The following THSD4 variants were observed in gnomAD, a reference collection of about 807,000 sequenced individuals.
THSD4 encodes the protein thrombospondin type 1 domain containing 4.
THSD4 carries 69 observed loss-of-function variants against 119.0 expected under a neutral mutation model. The ratio of observed to expected loss-of-function variants is 0.58; its 90% CI spans 0.48 to 0.71. THSD4 has a LOEUF of 0.71. Ranked by LOEUF, THSD4 falls within the 30% of genes least tolerant of loss-of-function variation. THSD4 has a pLI of 0.00. For synonymous variants in THSD4, 524 were observed against 540.4 expected (o/e 0.97, Z 0.42); for missense variants, 1,393 against 1,391.1 (o/e 1.00, Z -0.02).
chr15:71,184,303 A>G (rs1200401244), intron 3 of THSD4: 4 of 151,730 alleles, frequency 2.6e-5, no homozygotes, highest in African/African-American at 9.7e-5. Flanking sequence ...TAGCTTAAGG[A>G]ATTTACTGCT....
At chr15:71,247,093 T>A (rs2044210327) in intron 5 of THSD4, among the ~76,000 whole-genome samples, 1 of 152,074 alleles carries the variant, frequency 6.6e-6, no homozygotes, top group African/African-American at 2.4e-5. Flanking sequence ...AGATGGGGTT[T>A]TACCATGTTG....
intron 6 of THSD4, among the ~76,000 whole-genome samples, chr15:71,408,547 T>C (rs531597623): frequency 6.6e-6 from 1 of 152,220 alleles, no homozygotes; most frequent in South Asian, 2.1e-4. Flanking sequence ...TGCATTCTTA[T>C]GAGGAATTTT....
intron 7 of THSD4, among the ~76,000 whole-genome samples, chr15:71,595,327 G>T (rs572540060): frequency 2.0e-5 from 3 of 152,162 alleles, no homozygotes; most frequent in Non-Finnish European, 1.5e-5. Flanking sequence ...GGAGGGACCC[G>T]GCAGGAGGTA....
chr15:71,415,979 T>G (rs2046755009), intron 7 of THSD4, among the ~76,000 whole-genome samples: 1 of 152,174 alleles, frequency 6.6e-6, no homozygotes, highest in African/African-American at 2.4e-5. Context: ...GTATTTTTAG[T>G]AGAGACAGGG....
At chr15:71,589,578 G>A (rs2049756489) in intron 7 of THSD4, among the ~76,000 whole-genome samples, 1 of 138,576 alleles carries the variant, frequency 7.2e-6, no homozygotes, top group Admixed American at 7.3e-5. Flanking sequence ...GTTGGGTCAT[G>A]ATCTCCTGGC....
At chr15:71,133,223 C>T (rs777362215) in intron 1 of THSD4, among the ~76,000 whole-genome samples, 2 of 152,094 alleles carry the variant, frequency 1.3e-5, no homozygotes, top group Non-Finnish European at 2.9e-5. Context: ...CATCTCATCA[C>T]GGCTGTTTAT....
chr15:71,744,314 A>T (rs562581308), intron 11 of THSD4, among the ~76,000 whole-genome samples: 5 of 152,122 alleles, frequency 3.3e-5, no homozygotes, highest in Non-Finnish European at 4.4e-5. Flanking sequence ...TTCATTCAAC[A>T]CGGTCATTTA....
In THSD4 at chr15:71,242,744, A is replaced by G; in HGVS notation, c.560A>G (p.Gln187Arg). The G allele has an allele frequency of 6.2e-7, 1 of 1,614,204 alleles. No homozygotes were observed. The highest frequency in any genetic ancestry group is 1.1e-5 in the South Asian group (1 of 91,078). ...CAGACAGACACTGCACACACGCCAC[A>G]GAGGCTCCGGAGACAGAAGCTCTCA... ...PLQTDTAHTP[Q>R]RLRRQKLSSR... The change falls in exon 5 of 18, where the codon CAG becomes CGG. Residue 187 changes from glutamine (Q) to arginine (R), a missense_variant. Physicochemically the swap from Gln to Arg is conservative, Grantham distance 43. Coordinates refer to ENST00000261862, the MANE Select transcript of THSD4 (RefSeq NM_024817.3).
At chr15:71,291,937 C>T (rs1182034729) in intron 6 of THSD4, among the ~76,000 whole-genome samples, 1 of 152,158 alleles carries the variant, frequency 6.6e-6, no homozygotes, top group African/African-American at 2.4e-5. Flanking sequence ...GTGGTGGCCC[C>T]TGTCTACCAC....
intron 3 of THSD4, among the ~76,000 whole-genome samples, chr15:71,184,644 T>C (rs1485334747): frequency 6.6e-6 from 1 of 151,846 alleles, no homozygotes; most frequent in Non-Finnish European, 1.5e-5. Flanking sequence ...GGCATCTGGC[T>C]GCAAAGCTGA....
In THSD4 at chr15:71,243,845, C is replaced by T. The variant is rs916668276; in HGVS notation, c.912+749C>T. On this transcript the variant is annotated intron_variant, in intron 5 of 17. Transcript: ENST00000261862. The stretch of plus-strand genomic sequence containing the variant: ...TGTCACCCAGGCTGGAGCACAGTGG[C>T]GCGATCTTGTCTCACTGCAACCTCT... Among the ~76,000 whole-genome samples, 16 of 126,502 alleles carry T rather than the reference C, an allele frequency of 1.3e-4. No individual in the cohort carries two copies. In the East Asian group the frequency reaches 2.5e-3, roughly 20 times the overall value. The allele number at this position is 126,502 out of a possible 152,430, so 83.0% of individuals were successfully genotyped here.
intron 7 of THSD4, among the ~76,000 whole-genome samples, chr15:71,500,660 G>A (rs1036589827): frequency 3.3e-5 from 5 of 152,292 alleles, no homozygotes; most frequent in African/African-American, 9.6e-5. Flanking sequence ...TGTACATAGT[G>A]TAAGGTAAGA....
intron 3 of THSD4, among the ~76,000 whole-genome samples, chr15:71,182,048 A>G (rs2043535107): frequency 6.6e-6 from 1 of 152,238 alleles, no homozygotes; most frequent in Admixed American, 6.5e-5. Flanking sequence ...TGGGGCTACC[A>G]GCCCCATTTT....
intron 7 of THSD4, among the ~76,000 whole-genome samples, chr15:71,655,967 G>A (rs568605161): frequency 2.0e-5 from 3 of 152,266 alleles, no homozygotes; most frequent in African/African-American, 7.2e-5. Context: ...AACAAGCCAG[G>A]GACTGGGCCA....
intron 8 of THSD4, among the ~76,000 whole-genome samples, chr15:71,696,734 GAGAA>G (rs1368039062): frequency 6.6e-6 from 1 of 152,190 alleles, no homozygotes; most frequent in African/African-American, 2.4e-5. Flanking sequence ...TAACTAAAGA[GAGAA>G]AGAATACCAA....
At position 71,779,829 on chromosome 15, in the gene THSD4, G is replaced by C. The variant is rs1246121188; in HGVS notation, c.*2455G>C. On this transcript the variant is annotated 3_prime_UTR_variant, in exon 18 of 18. Coordinates refer to ENST00000261862, the MANE Select transcript of THSD4 (RefSeq NM_024817.3). The stretch of plus-strand genomic sequence containing the variant: ...CCCATGTCTCCCTTGGGGAGAAAGT[G>C]CATAAACCAGGGGTCTCTTTTTTTT... 1 of 126,278 alleles carries C rather than the reference G, an allele frequency of 7.9e-6. No individual in the cohort carries two copies. The highest frequency in any genetic ancestry group is 2.3e-4 in the East Asian group (1 of 4,380). 7.8% of individuals were successfully genotyped at this position (126,278 alleles called of 1,614,324 possible).
chr15:71,557,425 C>T (rs569930084), intron 7 of THSD4, among the ~76,000 whole-genome samples: 1 of 152,102 alleles, frequency 6.6e-6, no homozygotes, highest in African/African-American at 2.4e-5. Flanking sequence ...TTGAGAGTGC[C>T]TGTAAACTTT....
rs570913852 is a variant in THSD4, at chr15:71,341,118, T to C, written c.1016-70569T>C. 50 of 1,322,384 alleles carry C rather than the reference T, an allele frequency of 3.8e-5. 1 individual carries two copies. In the East Asian group the frequency reaches 7.6e-4, roughly 20 times the overall value. 81.9% of individuals were successfully genotyped at this position (1,322,384 alleles called of 1,614,324 possible). A position where few individuals can be genotyped will look rare whatever the true frequency, so the allele number is the denominator to read the frequency against. ...TCTTCTGTCTTCCCTCTCTCTCCCT[T>C]TTTTTTTTCCTTTTAATTACATTTA... is the stretch of plus-strand genomic sequence containing the variant. On this transcript the variant is annotated intron_variant, in intron 6 of 17. Coordinates refer to ENST00000261862, the MANE Select transcript of THSD4 (RefSeq NM_024817.3).
intron 7 of THSD4, among the ~76,000 whole-genome samples, chr15:71,630,134 C>T (rs11630997): frequency 0.89 from 136,220 of 152,250 alleles, 61,120 homozygotes; most frequent in East Asian, 1. Flanking sequence ...ACTCTAAAGT[C>T]CCCCAGTAAA....
Sources: gnomAD v4.1 joint callset for allele counts (sites outside exome capture counted in the v4.1 genomes callset) on GRCh38, gnomAD v4.1.1 for gene constraint, MANE v1.5 for transcripts, NCBI Gene and HGNC (gene_info 2026-07-23, HGNC 2026-07-21) for gene names.